Variants in ZBTB24 observed in about 807,000 individuals in gnomAD.
The protein encoded by ZBTB24 is zinc finger and BTB domain containing 24.
In ZBTB24, 32 loss-of-function variants were observed where a neutral mutation model predicts 53.8. The ratio of observed to expected loss-of-function variants is 0.60; its 90% CI spans 0.45 to 0.80. The LOEUF (loss-of-function observed/expected upper bound fraction) is 0.80, where lower values mean the gene tolerates loss of function less well. ZBTB24 is among the 30% of genes least tolerant of loss of function. ZBTB24 has a pLI of 0.00. For missense variants in ZBTB24, 722 were observed against 837.1 expected, an observed-to-expected ratio of 0.86 and a Z score of 1.70; for synonymous variants, 297 against 306.7, an observed-to-expected ratio of 0.97 and a Z score of 0.33.
Position 109,466,324 on chromosome 6 carries a change from G to C in ZBTB24, c.1621C>G (p.Pro541Ala). ...TCTCCCGAGGTAGAGAGTTGATATG[G>C]CTGTAGCTGAAGAATATTCCTGACC... The part of the protein sequence containing the change: ...EEVRNILQLQ[P>A]YQLSTSGEQE... The change falls in exon 7 of 7, where the codon CCA (proline) becomes GCA (alanine). Residue 541 changes from proline to alanine, a missense_variant. Coordinates refer to ENST00000230122, the MANE Select transcript of ZBTB24 (RefSeq NM_014797.3). 1 of 1,614,214 alleles carries C rather than the reference G, an allele frequency of 6.2e-7. No homozygotes were observed. Among genetic ancestry groups the C allele is most frequent in the South Asian group, 1.1e-5 (1 of 91,088 alleles).
intron 5 of ZBTB24, among the ~76,000 whole-genome samples, chr6:109,474,898 G>C (rs1003903923): frequency 2.0e-5 from 3 of 151,588 alleles, no homozygotes; most frequent in African/African-American, 7.3e-5. Flanking sequence ...TAAAAAATTA[G>C]GTAGTGTGGT....
rs79528449 is a variant in ZBTB24 at position 109,464,905 on chromosome 6, C to T, written c.*946G>A. 3 of 152,272 alleles carry T rather than the reference C, an allele frequency of 2.0e-5. No individual in the cohort carries two copies. In the East Asian group the frequency reaches 5.8e-4, roughly 29 times the overall value. The allele number at this position is 152,272 out of a possible 1,614,324, so 9.4% of individuals were successfully genotyped here. A position where few individuals can be genotyped will look rare whatever the true frequency, so the allele number is the denominator to read the frequency against. On this transcript the variant is annotated 3_prime_UTR_variant, in exon 7 of 7. Transcript: ENST00000230122. ...CTTCCATCTCCAGAAAGTTATCAGA[C>T]ACAACACGTAGATCAACATTTTCAG...
intron 1 of ZBTB24, among the ~76,000 whole-genome samples, chr6:109,482,343 G>A (rs1174586253): frequency 2.0e-5 from 3 of 152,040 alleles, no homozygotes; most frequent in Non-Finnish European, 4.4e-5. Flanking sequence ...GCGCCCGCCT[G>A]TGGTCCCAGC....
At chr6:109,480,283 T>C (rs1421104363) in intron 2 of ZBTB24, among the ~76,000 whole-genome samples, 1 of 151,984 alleles carries the variant, frequency 6.6e-6, no homozygotes, top group Non-Finnish European at 1.5e-5. Flanking sequence ...CAAAGCAGAG[T>C]GGGTTTTAAG....
intron 2 of ZBTB24, 34 bp from the exon 3 acceptor site, chr6:109,476,964 A>C: frequency 6.2e-7 from 1 of 1,609,066 alleles, no homozygotes; most frequent in Admixed American, 1.7e-5. Context: ...TGGTATAAGT[A>C]AGAATCCACA....
chr6:109,477,305 A>C (rs544175457), intron 2 of ZBTB24, among the ~76,000 whole-genome samples: 25 of 152,216 alleles, frequency 1.6e-4, no homozygotes, highest in Admixed American at 1.3e-3. Context: ...CACCCAGCTA[A>C]TTTTTTAATT....
chr6:109,476,079 T>C (rs756976746), intron 4 of ZBTB24, 96 bp downstream of exon 4: 16 of 1,382,840 alleles, frequency 1.2e-5, no homozygotes, highest in South Asian at 4.9e-5. Context: ...GTGAACGATA[T>C]GTGCTAAGAG....
intron 4 of ZBTB24, 66 bp downstream of exon 4, chr6:109,476,109 T>C: frequency 3.2e-6 from 5 of 1,564,284 alleles, no homozygotes; most frequent in Non-Finnish European, 4.4e-6. Flanking sequence ...ATAAACCTAA[T>C]GTTTCAGAAA....
Position 109,465,692 on chromosome 6 carries a change from A to G in ZBTB24, c.*159T>C. 6.2e-7 allele frequency: 1 copy of G among 1,600,578 alleles called. No individual in the cohort carries two copies. The highest frequency in any genetic ancestry group is 8.5e-7 in the Non-Finnish European group (1 of 1,178,138). ...AGACAAGACATACACACATCTTGCT[A>G]CCTGGATGGAGGGCATTATAAACAT... On this transcript the variant is annotated 3_prime_UTR_variant, in exon 7 of 7. Coordinates refer to ENST00000230122, the MANE Select transcript of ZBTB24 (RefSeq NM_014797.3).
At chr6:109,482,911 C>A (rs1380413125) in intron 1 of ZBTB24, among the ~76,000 whole-genome samples, 187 bp downstream of exon 1, 1 of 152,234 alleles carries the variant, frequency 6.6e-6, no homozygotes, top group African/African-American at 2.4e-5. Flanking sequence ...GCCAGACACA[C>A]TAGGGGCGGC....
In ZBTB24 at chr6:109,475,477, A is replaced by G; in HGVS notation, c.1210T>C (p.Ser404Pro). 6.2e-7 allele frequency: 1 copy of G among 1,614,192 alleles called. No individual in the cohort carries two copies. The highest frequency in any genetic ancestry group is 1.1e-5 in the South Asian group (1 of 91,084). The change falls in exon 5 of 7, where the codon TCA becomes CCA. Residue 404 changes from serine to proline, a missense_variant. Coordinates refer to ENST00000230122, the MANE Select transcript of ZBTB24 (RefSeq NM_014797.3). ...KSHYRVHTGH[S>P]LPECKDCHRK... ...TGGCAGTCTTTGCATTCCGGTAATG[A>G]GTGGCCTTGTCGCAACAATAAAAAA...
Position 109,464,350 on chromosome 6 carries a change from T to C in ZBTB24, c.*1501A>G, listed in dbSNP as rs1322583280. 3 of 152,216 alleles carry C rather than the reference T, an allele frequency of 2.0e-5. No homozygotes were observed. Among genetic ancestry groups the C allele is most frequent in the Non-Finnish European group, 4.4e-5 (3 of 68,044 alleles). The allele number at this position is 152,216 out of a possible 1,614,324, so 9.4% of individuals were successfully genotyped here. A position where few individuals can be genotyped will look rare whatever the true frequency, so the allele number is the denominator to read the frequency against. ...TTACTCTAACCTCCAAATAACTTATTTGATTTAGGGAGAAATCAAGGATGT... is the reference window on the plus strand; with the variant it reads ...TTACTCTAACCTCCAAATAACTTATCTGATTTAGGGAGAAATCAAGGATGT... On this transcript the variant is annotated 3_prime_UTR_variant, in exon 7 of 7. Transcript: ENST00000230122.
chr6:109,480,883 T>A, intron 2 of ZBTB24, 192 bp downstream of exon 2: 2 of 1,339,164 alleles, frequency 1.5e-6, no homozygotes, highest in Non-Finnish European at 2.0e-6. Flanking sequence ...AAATATGATT[T>A]TAATCATACA....
chr6:109,476,326 G>T, intron 3 of ZBTB24, 68 bp from the exon 4 acceptor site: 1 of 1,536,846 alleles, frequency 6.5e-7, no homozygotes. Flanking sequence ...CACTAATAAG[G>T]TAAATACTAC....
At chr6:109,467,804 A>C in intron 5 of ZBTB24, 70 bp from the exon 6 acceptor site, 1 of 1,533,224 alleles carries the variant, frequency 6.5e-7, no homozygotes, top group Non-Finnish European at 8.8e-7. Context: ...ATTCAGAATA[A>C]GACAAAATTA....
chr6:109,475,124 A>G (rs142454936), intron 5 of ZBTB24, among the ~76,000 whole-genome samples: 2 of 152,016 alleles, frequency 1.3e-5, no homozygotes, highest in African/African-American at 4.8e-5. Context: ...CCAGACTCAG[A>G]CTCACTATTC....
rs138291364 is a variant in ZBTB24 at position 109,482,138 on chromosome 6, C to A, written c.-28-84G>T. 1.0e-5 allele frequency: 10 copies of A among 971,828 alleles called. No homozygotes were observed. The East Asian group carries it at 2.6e-4, about 25-fold the overall frequency. The allele number at this position is 971,828 out of a possible 1,614,324, so 60.2% of individuals were successfully genotyped here. A position where few individuals can be genotyped will look rare whatever the true frequency, so the allele number is the denominator to read the frequency against. On this transcript the variant is annotated intron_variant, in intron 1 of 6. Transcript: ENST00000230122. ...GCCCACATGAACTTCCTATTCACTT[C>A]ACATCATTAACTGAATTTTACCATT...
At position 109,465,304 on chromosome 6, in the gene ZBTB24, A is replaced by T. The variant is rs1337720716; in HGVS notation, c.*547T>A. The T allele has an allele frequency of 3.8e-6, 1 of 266,172 alleles. No individual in the cohort carries two copies. The highest frequency in any genetic ancestry group is 4.9e-5 in the Admixed American group (1 of 20,358). The allele number at this position is 266,172 out of a possible 1,614,324, so 16.5% of individuals were successfully genotyped here. On this transcript the variant is annotated 3_prime_UTR_variant, in exon 7 of 7. Coordinates refer to ENST00000230122, the MANE Select transcript of ZBTB24 (RefSeq NM_014797.3). ...TGTACTGCATAAAGATAAAACGTTGAGGGTTACTTTGTCTTAGGGGACTGG... is the reference window on the plus strand; with the variant it reads ...TGTACTGCATAAAGATAAAACGTTGTGGGTTACTTTGTCTTAGGGGACTGG...
chr6:109,477,064 C>T (rs1171162839), intron 2 of ZBTB24, 134 bp from the exon 3 acceptor site: 2 of 1,267,970 alleles, frequency 1.6e-6, no homozygotes, highest in Non-Finnish European at 2.2e-6. Flanking sequence ...ACACAAGAGA[C>T]ATCAGCAATA....
Sources: allele counts gnomAD v4.1 joint callset (sites outside exome capture counted in the v4.1 genomes callset), GRCh38; gene constraint gnomAD v4.1.1; transcripts MANE v1.5; gene names NCBI Gene and HGNC (gene_info 2026-07-23, HGNC 2026-07-21).